Variants in DCDC1 observed in about 807,000 individuals in gnomAD.
DCDC1 encodes doublecortin domain containing 1, also known as doublecortin domain-containing protein 1.
A neutral mutation model predicts 178.3 loss-of-function variants in DCDC1; 200 were observed. That is an observed-to-expected ratio of 1.12 (90% CI 1.00 to 1.26). The LOEUF is 1.26. Ranked by LOEUF, DCDC1 falls within the 50% of genes most tolerant of loss-of-function variation. The pLI is 0.00. For synonymous variants in DCDC1, 690 were observed against 604.8 expected (o/e 1.14, Z -2.07); for missense variants, 1,983 against 1,749.2 (o/e 1.13, Z -2.38).
intron 9 of DCDC1, among the ~76,000 whole-genome samples, chr11:31,219,638 T>G (rs184838757): frequency 3.0e-4 from 45 of 152,332 alleles, no homozygotes; most frequent in Non-Finnish European, 6.2e-4. Flanking sequence ...TTCACTGGTT[T>G]ATCAACAAAT....
intron 9 of DCDC1, among the ~76,000 whole-genome samples, chr11:31,180,507 G>A (rs1327870600): frequency 5.3e-5 from 8 of 152,096 alleles, no homozygotes; most frequent in South Asian, 2.1e-4. Flanking sequence ...TACCCATCTC[G>A]TCTCATTGGG....
intron 20 of DCDC1, among the ~76,000 whole-genome samples, chr11:31,055,241 C>T (rs1041454453): frequency 6.6e-6 from 1 of 152,126 alleles, no homozygotes; most frequent in African/African-American, 2.4e-5. Flanking sequence ...AAACGCTCCA[C>T]ACCACTAATG....
chr11:30,958,919 A>G (rs1948921007), intron 20 of DCDC1, among the ~76,000 whole-genome samples: 1 of 152,086 alleles, frequency 6.6e-6, no homozygotes, highest in African/African-American at 2.4e-5. Context: ...GACCTTGGGG[A>G]CATTTGGTAG....
intron 11 of DCDC1, among the ~76,000 whole-genome samples, chr11:31,117,387 A>T (rs1470745335): frequency 1.3e-5 from 2 of 151,912 alleles, no homozygotes; most frequent in African/African-American, 4.8e-5. Flanking sequence ...CAGGAAAAAA[A>T]AAAAAATTCT....
chr11:31,076,174 T>C (rs1956854658), intron 18 of DCDC1, among the ~76,000 whole-genome samples: 1 of 152,116 alleles, frequency 6.6e-6, no homozygotes, highest in African/African-American at 2.4e-5. Flanking sequence ...CATTCTTTTT[T>C]ATTCTTTTTT....
At position 30,905,115 on chromosome 11, in the gene DCDC1, G is replaced by C. The variant is rs1197645843; in HGVS notation, c.4154C>G (p.Ala1385Gly). 5.0e-6 allele frequency: 8 copies of C among 1,612,766 alleles called. No homozygotes were observed. Among genetic ancestry groups the C allele is most frequent in the South Asian group, 4.4e-5 (4 of 91,010 alleles). The change falls in exon 31 of 39, where the codon GCA becomes GGA. Residue 1385 changes from alanine to glycine, a missense_variant. Physicochemically the swap from Ala to Gly is moderately conservative, Grantham distance 60 (BLOSUM62 0). Coordinates refer to ENST00000684477, the MANE Select transcript of DCDC1 (RefSeq NM_001387274.1). ...KAEKTLSYYQ[A>G]RLLSLRMKTC... ...CTTCATCCGTAAAGACAATAGACGT[G>C]CTTGGTAGTAACTTAGAGTTTTTTC... is the stretch of plus-strand genomic sequence containing the variant.
At chr11:31,207,651 T>G (rs953136737) in intron 9 of DCDC1, among the ~76,000 whole-genome samples, 1 of 152,214 alleles carries the variant, frequency 6.6e-6, no homozygotes, top group Admixed American at 6.5e-5. Flanking sequence ...ATATTTAGCA[T>G]GCAAACATGC....
chr11:31,033,234 CA>C (rs1021788991), intron 20 of DCDC1, among the ~76,000 whole-genome samples: 5 of 152,008 alleles, frequency 3.3e-5, no homozygotes, highest in African/African-American at 1.2e-4. Context: ...AAACCTTGGT[CA>C]AAAGAAATTA....
intron 36 of DCDC1, chr11:30,882,994 A>T (rs1393000762): frequency 1.3e-5 from 2 of 152,240 alleles, no homozygotes; most frequent in African/African-American, 2.4e-5. Flanking sequence ...GAGGCTGCTG[A>T]TAACAGTAAT....
At chr11:30,925,788 T>C (rs1946553809) in intron 22 of DCDC1, among the ~76,000 whole-genome samples, 1 of 152,176 alleles carries the variant, frequency 6.6e-6, no homozygotes, top group Non-Finnish European at 1.5e-5. Context: ...CTGCGTTCTT[T>C]CTCCTACCTA....
rs962917078 is a variant in DCDC1, at chr11:31,349,163, C to T, written c.-124-13599G>A. ...TACAACTAGACAAACTAATATCCTA[C>T]GGTAAATCTAGCTATCTAGCTGTTG... On this transcript the variant is annotated intron_variant, in intron 1 of 38. Coordinates refer to ENST00000684477, the MANE Select transcript of DCDC1 (RefSeq NM_001387274.1). 5.9e-5 allele frequency among the ~76,000 whole-genome samples: 9 copies of T among 152,126 alleles called. No homozygotes were observed. In the South Asian group the frequency reaches 6.2e-4, roughly 10 times the overall value.
At chr11:31,018,611 T>A (rs375992432) in intron 20 of DCDC1, among the ~76,000 whole-genome samples, 1 of 152,194 alleles carries the variant, frequency 6.6e-6, no homozygotes, top group East Asian at 1.9e-4. Context: ...GGTTTGGATC[T>A]GGAGAGTTGA....
chr11:30,964,323 T>C (rs1198883745), intron 20 of DCDC1, among the ~76,000 whole-genome samples: 5 of 152,146 alleles, frequency 3.3e-5, no homozygotes, highest in Non-Finnish European at 4.4e-5. Context: ...AGGAACCACC[T>C]CTTTGTGTTC....
intron 18 of DCDC1, among the ~76,000 whole-genome samples, chr11:31,074,177 C>T (rs751551396): frequency 2.0e-5 from 3 of 152,116 alleles, no homozygotes; most frequent in Non-Finnish European, 4.4e-5. Flanking sequence ...ATCCAGTTCA[C>T]ATCAGAGAGG....
At chr11:31,009,100 A>G (rs368565783) in intron 20 of DCDC1, among the ~76,000 whole-genome samples, 31 of 152,348 alleles carry the variant, frequency 2.0e-4, no homozygotes, top group African/African-American at 7.2e-4. Context: ...ATGAGAATAT[A>G]TAACAAGACT....
intron 9 of DCDC1, among the ~76,000 whole-genome samples, chr11:31,213,084 T>C (rs1412952511): frequency 6.8e-6 from 1 of 147,338 alleles, no homozygotes. Context: ...TGTGTCATCT[T>C]CTATATAAAG....
At chr11:31,256,646 G>A (rs1259867846) in intron 8 of DCDC1, among the ~76,000 whole-genome samples, 3 of 152,040 alleles carry the variant, frequency 2.0e-5, no homozygotes, top group Non-Finnish European at 2.9e-5. Flanking sequence ...TAACTTCAGC[G>A]GTGTCTAGCT....
At position 31,152,690 on chromosome 11, in the gene DCDC1, T is replaced by C. The variant is rs1212322017; in HGVS notation, c.1222-14906A>G. Among the ~76,000 whole-genome samples the C allele has an allele frequency of 2.0e-5, 3 of 152,214 alleles. No homozygotes were observed. In the East Asian group the frequency reaches 5.8e-4, roughly 29 times the overall value. ...TATTTACTGTCTTTCTACTTTCTAC[T>C]GTCTTGTGGTGTGCTTACACCTCCA... On this transcript the variant is annotated intron_variant, in intron 9 of 38. Transcript: ENST00000684477.
intron 18 of DCDC1, among the ~76,000 whole-genome samples, chr11:31,071,117 A>C (rs922091735): frequency 9.2e-5 from 14 of 152,160 alleles, no homozygotes; most frequent in African/African-American, 3.1e-4. Context: ...TTTATGTACA[A>C]CGTAAATAAA....
Sources: gnomAD v4.1 joint callset for allele counts (sites outside exome capture counted in the v4.1 genomes callset) on GRCh38, gnomAD v4.1.1 for gene constraint, MANE v1.5 for transcripts, NCBI Gene and HGNC (gene_info 2026-07-23, HGNC 2026-07-21) for gene names.